RANBP2: variants seen among roughly 807,000 people sequenced by gnomAD.
The protein encoded by RANBP2 is E3 SUMO-protein ligase RanBP2.
In RANBP2, 57 loss-of-function variants were observed where a neutral mutation model predicts 303.6. The observed-to-expected ratio is 0.19, with a 90% CI of 0.15 to 0.23. The LOEUF is 0.23. RANBP2 is among the 10% of genes least tolerant of loss of function. The pLI is 1.00. For synonymous variants in RANBP2, 1,167 were observed against 1,301.5 expected (o/e 0.90, Z 2.23); for missense variants, 3,138 against 3,780.8 (o/e 0.83, Z 4.46).
chr2:109,542,994 T>C, the RANBP2 span: 2 of 152,628 alleles, frequency 1.3e-5, no homozygotes, highest in African/African-American at 2.4e-5. Flanking sequence ...TTAGTAAATA[T>C]ATGTTTTATT....
chr2:108,883,325 A>T, the RANBP2 span: 2 of 152,234 alleles, frequency 1.3e-5, no homozygotes, highest in Non-Finnish European at 2.9e-5. Flanking sequence ...TAAGATGAAG[A>T]TGGGACCAGT....
At chr2:109,188,196 G>A in the RANBP2 span, among the ~76,000 whole-genome samples, 2 of 152,242 alleles carry the variant, frequency 1.3e-5, no homozygotes, top group Admixed American at 6.5e-5. Context: ...CCCTGGGCCC[G>A]AAGGGCTTTC....
At chr2:109,416,618 C>G in the RANBP2 span, among the ~76,000 whole-genome samples, 1 of 151,276 alleles carries the variant, frequency 6.6e-6, no homozygotes, top group Non-Finnish European at 1.5e-5. Context: ...CTCCTGACCA[C>G]ATGATCTGCC....
chr2:109,474,127 C>G, the RANBP2 span, among the ~76,000 whole-genome samples: 1 of 152,078 alleles, frequency 6.6e-6, no homozygotes, highest in Admixed American at 6.5e-5. Context: ...GGCAGGTGTT[C>G]AGAAGACGCA....
At chr2:109,389,223 C>T in the RANBP2 span, among the ~76,000 whole-genome samples, 1 of 151,720 alleles carries the variant, frequency 6.6e-6, no homozygotes, top group African/African-American at 2.4e-5. Context: ...TGTGAGGGCC[C>T]CTCCTGGTCC....
Position 108,766,876 on chromosome 2 carries a change from T to G in RANBP2, c.6337T>G (p.Ser2113Ala), listed in dbSNP as rs780643655. The G allele has an allele frequency of 1.2e-6, 2 of 1,611,502 alleles. No homozygotes were observed. Among genetic ancestry groups the G allele is most frequent in the Non-Finnish European group, 1.7e-6 (2 of 1,179,862 alleles). ...RAWMWLASDFSDGDAKLEQLA... is the reference protein window; with the variant it reads ...RAWMWLASDFADGDAKLEQLA... ...ATGGATGTGGTTAGCCAGTGATTTCTCTGATGGTGATGCCAAACTAGAGCA... is the reference window on the plus strand; with the variant it reads ...ATGGATGTGGTTAGCCAGTGATTTCGCTGATGGTGATGCCAAACTAGAGCA... Residue 2113 changes from serine to alanine, a missense_variant, in exon 20 of 29, where the codon TCT (serine) becomes GCT (alanine). Ser to Ala is a moderately conservative substitution (Grantham distance 99, BLOSUM62 1). Around this residue, in one of 20 missense-constraint regions of RANBP2, gnomAD observed 103 missense variants for 214.3 expected, o/e 0.48. Coordinates refer to ENST00000283195, the MANE Select transcript of RANBP2 (RefSeq NM_006267.5).
chr2:108,937,995 C>T, the RANBP2 span, among the ~76,000 whole-genome samples: 12 of 152,154 alleles, frequency 7.9e-5, no homozygotes, highest in African/African-American at 2.7e-4. Flanking sequence ...TTCTTGCACA[C>T]GTAGAATAAT....
the RANBP2 span, among the ~76,000 whole-genome samples, chr2:108,946,599 C>A: frequency 2.0e-5 from 3 of 152,206 alleles, no homozygotes; most frequent in Non-Finnish European, 4.4e-5. Flanking sequence ...TTCCACATGG[C>A]TGGCAGGCCT....
the RANBP2 span, among the ~76,000 whole-genome samples, chr2:108,822,382 C>T: frequency 2.1e-4 from 32 of 152,034 alleles, no homozygotes; most frequent in Non-Finnish European, 3.7e-4. Flanking sequence ...CTTTCAGAAA[C>T]AGATAGAATA....
At chr2:108,942,518 C>T in the RANBP2 span, among the ~76,000 whole-genome samples, 1 of 152,356 alleles carries the variant, frequency 6.6e-6, no homozygotes, top group East Asian at 1.9e-4. Flanking sequence ...CACGATGAAC[C>T]ACGGCGACGG....
chr2:109,669,120 C>T, the RANBP2 span, among the ~76,000 whole-genome samples: 5 of 152,064 alleles, frequency 3.3e-5, no homozygotes, highest in Non-Finnish European at 5.9e-5. Flanking sequence ...AATGGGGAAA[C>T]GTCATGCACA....
At chr2:109,615,682 A>G in the RANBP2 span, 3 of 1,613,950 alleles carry the variant, frequency 1.9e-6, no homozygotes, top group East Asian at 4.5e-5. Flanking sequence ...GGAGCCCTGG[A>G]CGAGGGTGAC....
chr2:109,416,387 G>A, the RANBP2 span, among the ~76,000 whole-genome samples: 1 of 151,918 alleles, frequency 6.6e-6, no homozygotes, highest in Non-Finnish European at 1.5e-5. Flanking sequence ...CTGAGGTCAG[G>A]AGTTCAAGAC....
At chr2:109,318,210 G>A in the RANBP2 span, among the ~76,000 whole-genome samples, 110 of 152,016 alleles carry the variant, frequency 7.2e-4, no homozygotes, top group Middle Eastern at 3.4e-3. Context: ...GGCAAATGCC[G>A]AGATTGTAAA....
chr2:109,219,555 C>CT, the RANBP2 span, among the ~76,000 whole-genome samples: 1 of 152,046 alleles, frequency 6.6e-6, no homozygotes, highest in Non-Finnish European at 1.5e-5. Context: ...ATAGAAAACT[C>CT]TAAGGAGTTC....
At chr2:109,537,711 T>G in the RANBP2 span, among the ~76,000 whole-genome samples, 1 of 152,050 alleles carries the variant, frequency 6.6e-6, no homozygotes, top group Non-Finnish European at 1.5e-5. Flanking sequence ...TTTGGGAGGC[T>G]GGGGCGGGCG....
At chr2:108,883,688 G>C in the RANBP2 span, 1 of 152,200 alleles carries the variant, frequency 6.6e-6, no homozygotes, top group Admixed American at 6.5e-5. Flanking sequence ...TTCTTGCTGG[G>C]CTTGGCCAGT....
At chr2:109,374,585 A>G in the RANBP2 span, among the ~76,000 whole-genome samples, 2 of 152,120 alleles carry the variant, frequency 1.3e-5, no homozygotes, top group African/African-American at 2.4e-5. Flanking sequence ...TGGAGCTTCC[A>G]TCTTGGGCTA....
chr2:109,217,967 C>G, the RANBP2 span, among the ~76,000 whole-genome samples: 3 of 152,330 alleles, frequency 2.0e-5, no homozygotes, highest in African/African-American at 7.2e-5. Flanking sequence ...CTCTGCCTTG[C>G]TCCTGCCGGT....
Sources: allele counts gnomAD v4.1 joint callset (sites outside exome capture counted in the v4.1 genomes callset), GRCh38; gene constraint gnomAD v4.1.1; regional missense constraint gnomAD v4.1.1; transcripts MANE v1.5; gene names NCBI Gene and HGNC (gene_info 2026-07-23, HGNC 2026-07-21).